The following HECTD2 variants were observed in gnomAD, a reference collection of about 807,000 sequenced individuals.
The protein encoded by HECTD2 is HECT domain E3 ubiquitin protein ligase 2, also known as probable E3 ubiquitin-protein ligase HECTD2.
Under a neutral mutation model 103.2 loss-of-function variants are expected in HECTD2, and 35 were observed. The observed-to-expected ratio is 0.34, with a 90% CI of 0.26 to 0.45. The LOEUF is 0.45. HECTD2 is among the 20% of genes least tolerant of loss of function. HECTD2 has a pLI of 1.00. For missense variants in HECTD2, 596 were observed against 937.4 expected (o/e 0.64, Z 4.76); for synonymous variants, 281 against 329.9 (o/e 0.85, Z 1.61).
chr10:91,411,363 A>G (rs939427470), intron 1 of HECTD2, among the ~76,000 whole-genome samples: 26 of 152,294 alleles, frequency 1.7e-4, no homozygotes, highest in African/African-American at 6.3e-4. Flanking sequence ...TTTAAAAAAA[A>G]ACCTCGGATT....
chr10:91,499,209 C>A, intron 18 of HECTD2, 59 bp downstream of exon 18: 1 of 851,414 alleles, frequency 1.2e-6, no homozygotes, highest in Non-Finnish European at 1.9e-6. Context: ...ATCATGTTAA[C>A]AAATAATTAA....
intron 5 of HECTD2, among the ~76,000 whole-genome samples, chr10:91,474,179 T>C (rs1339796987): frequency 6.6e-6 from 1 of 152,032 alleles, no homozygotes; most frequent in Non-Finnish European, 1.5e-5. Flanking sequence ...GTGGAGCAAA[T>C]AACTTTCTTA....
At chr10:91,433,253 G>A (rs1203095521) in intron 2 of HECTD2, among the ~76,000 whole-genome samples, 1 of 151,806 alleles carries the variant, frequency 6.6e-6, no homozygotes, top group Admixed American at 6.6e-5. Flanking sequence ...TATTGAATAG[G>A]TAACACATCT....
chr10:91,477,044 G>A (rs1016250220), intron 5 of HECTD2, among the ~76,000 whole-genome samples: 3 of 152,110 alleles, frequency 2.0e-5, no homozygotes, highest in Admixed American at 6.5e-5. Flanking sequence ...AGCCGGGCGC[G>A]GTGGCGGGCG....
intron 20 of HECTD2, among the ~76,000 whole-genome samples, chr10:91,506,932 A>G (rs1312678425): frequency 3.3e-5 from 5 of 149,928 alleles, no homozygotes; most frequent in Non-Finnish European, 5.9e-5. Flanking sequence ...CACCATGATC[A>G]AGTGGGCTTC....
At chr10:91,500,319 G>A (rs73316284) in intron 18 of HECTD2, among the ~76,000 whole-genome samples, 183 bp from the exon 19 acceptor site, 11,394 of 152,136 alleles carry the variant, frequency 0.075, 829 homozygotes, top group African/African-American at 0.19. Context: ...TATAAACTTC[G>A]GAAGCAAAAA....
intron 1 of HECTD2, among the ~76,000 whole-genome samples, chr10:91,420,632 C>G (rs1377649679): frequency 6.6e-6 from 1 of 151,922 alleles, no homozygotes; most frequent in Non-Finnish European, 1.5e-5. Context: ...GTCTACTATG[C>G]CTCCTTTTGG....
chr10:91,428,996 G>A (rs1267633866), intron 2 of HECTD2, among the ~76,000 whole-genome samples: 9 of 151,694 alleles, frequency 5.9e-5, no homozygotes, highest in South Asian at 2.1e-4. Flanking sequence ...CCCATTCAGT[G>A]TGATATTGGC....
At chr10:91,415,680 A>T (rs1843098956) in intron 1 of HECTD2, among the ~76,000 whole-genome samples, 1 of 152,196 alleles carries the variant, frequency 6.6e-6, no homozygotes. Flanking sequence ...TTGCGGTCAT[A>T]GGTAATAGGG....
intron 11 of HECTD2, chr10:91,489,401 A>G (rs1293262363): frequency 6.6e-6 from 1 of 152,198 alleles, no homozygotes; most frequent in Non-Finnish European, 1.5e-5. Flanking sequence ...AAGAGCTTAT[A>G]TGGTACAATC....
At chr10:91,412,489 T>C (rs994868526) in intron 1 of HECTD2, among the ~76,000 whole-genome samples, 1 of 151,372 alleles carries the variant, frequency 6.6e-6, no homozygotes, top group Admixed American at 6.6e-5. Flanking sequence ...GGAGTCTTGC[T>C]CTGTCGCCAG....
intron 20 of HECTD2, among the ~76,000 whole-genome samples, chr10:91,508,931 AT>A (rs1419225686): frequency 6.6e-6 from 1 of 151,902 alleles, no homozygotes; most frequent in Non-Finnish European, 1.5e-5. Flanking sequence ...ACACCATGGA[AT>A]ACTATGCAGC....
At chr10:91,417,991 A>G (rs1300816997) in intron 1 of HECTD2, among the ~76,000 whole-genome samples, 1 of 152,114 alleles carries the variant, frequency 6.6e-6, no homozygotes, top group Non-Finnish European at 1.5e-5. Context: ...AACAGTGTAA[A>G]AGTGTTCCTA....
At chr10:91,471,106 T>A (rs1845711473) in intron 5 of HECTD2, among the ~76,000 whole-genome samples, 1 of 151,896 alleles carries the variant, frequency 6.6e-6, no homozygotes, top group African/African-American at 2.4e-5. Flanking sequence ...TAAAAGCACA[T>A]CAACAAGCTA....
At chr10:91,429,400 G>A (rs1187157726) in intron 2 of HECTD2, among the ~76,000 whole-genome samples, 1 of 152,112 alleles carries the variant, frequency 6.6e-6, no homozygotes, top group Non-Finnish European at 1.5e-5. Flanking sequence ...CATAAAATGA[G>A]TTAGGGAGGA....
At chr10:91,458,900 G>A (rs950573249) in intron 2 of HECTD2, among the ~76,000 whole-genome samples, 1 of 151,950 alleles carries the variant, frequency 6.6e-6, no homozygotes, top group Admixed American at 6.6e-5. Flanking sequence ...AAATTTAAAA[G>A]TTTTGCTCTG....
intron 1 of HECTD2, among the ~76,000 whole-genome samples, chr10:91,414,084 A>AGGC (rs1843026363): frequency 1.3e-5 from 2 of 152,208 alleles, no homozygotes; most frequent in Non-Finnish European, 2.9e-5. Flanking sequence ...GGCAGAAATA[A>AGGC]CAGTGGCAGC....
chr10:91,501,587 CTT>C (rs1175211618), intron 20 of HECTD2, among the ~76,000 whole-genome samples: 1 of 152,062 alleles, frequency 6.6e-6, no homozygotes, highest in Non-Finnish European at 1.5e-5. Flanking sequence ...TTTGTAGACT[CTT>C]TTAGAACCTA....
intron 1 of HECTD2, among the ~76,000 whole-genome samples, chr10:91,421,044 G>A (rs1843338380): frequency 1.3e-5 from 2 of 152,188 alleles, no homozygotes; most frequent in Admixed American, 6.5e-5. Flanking sequence ...CCCCCCCTCA[G>A]GCTTTTTTCC....
Sources: allele counts gnomAD v4.1 joint callset (sites outside exome capture counted in the v4.1 genomes callset), GRCh38; gene constraint gnomAD v4.1.1; transcripts MANE v1.5; gene names NCBI Gene and HGNC (gene_info 2026-07-23, HGNC 2026-07-21).